Variants in SPOCK1 observed in about 807,000 individuals in gnomAD.
The protein encoded by SPOCK1 is testican-1.
Under a neutral mutation model 55.3 loss-of-function variants are expected in SPOCK1, and 23 were observed. The observed-to-expected ratio is 0.42, with a 90% CI of 0.30 to 0.59. The LOEUF is 0.59. Ranked by LOEUF, SPOCK1 falls within the 20% of genes least tolerant of loss-of-function variation. The pLI is 0.22. For synonymous variants in SPOCK1, 226 were observed against 221.0 expected (o/e 1.02, Z -0.20); for missense variants, 499 against 552.5 (o/e 0.90, Z 0.97).
At chr5:137,186,296 G>A (rs1232068668) in intron 3 of SPOCK1, among the ~76,000 whole-genome samples, 1 of 152,206 alleles carries the variant, frequency 6.6e-6, no homozygotes, top group African/African-American at 2.4e-5. Context: ...ATGCTAAGTT[G>A]AGCAGAACAC....
chr5:137,131,008 C>T (rs184208669), intron 4 of SPOCK1, among the ~76,000 whole-genome samples: 1 of 152,182 alleles, frequency 6.6e-6, no homozygotes, highest in Admixed American at 6.5e-5. Flanking sequence ...CTAAAGATAG[C>T]CTTGAACGTC....
chr5:137,141,725 A>G (rs770926696), intron 3 of SPOCK1, among the ~76,000 whole-genome samples: 14 of 152,208 alleles, frequency 9.2e-5, no homozygotes, highest in Non-Finnish European at 1.3e-4. Flanking sequence ...AGAAAATGCA[A>G]TCCAGTCAGA....
rs1327620237 is a variant in SPOCK1 at position 137,074,351 on chromosome 5, C to T, written c.475-6522G>A. Reference sequence around the variant, plus strand: ...ATGGAATGTTCTTACAGGCATAATACCTACTAAGGTTAAGGTGGTTATATA... The same window carrying T: ...ATGGAATGTTCTTACAGGCATAATATCTACTAAGGTTAAGGTGGTTATATA... On this transcript the variant is annotated intron_variant, in intron 5 of 10. Coordinates refer to ENST00000394945, the MANE Select transcript of SPOCK1 (RefSeq NM_004598.4). Among the ~76,000 whole-genome samples the T allele has an allele frequency of 2.0e-5, 3 of 152,194 alleles. No homozygotes were observed. The East Asian group carries it at 5.8e-4, about 29-fold the overall frequency.
intron 5 of SPOCK1, among the ~76,000 whole-genome samples, chr5:137,100,033 T>C (rs1753232007): frequency 1.3e-5 from 2 of 152,144 alleles, no homozygotes; most frequent in African/African-American, 4.8e-5. Context: ...AGGAGTTCGG[T>C]ATCAGAGAGT....
At chr5:137,071,584 CTT>C (rs1201111894) in intron 5 of SPOCK1, among the ~76,000 whole-genome samples, 1 of 152,154 alleles carries the variant, frequency 6.6e-6, no homozygotes, top group Non-Finnish European at 1.5e-5. Context: ...GTATCAAAGA[CTT>C]TATGATAAAA....
intron 3 of SPOCK1, among the ~76,000 whole-genome samples, chr5:137,161,475 T>C (rs1021260833): frequency 2.6e-5 from 4 of 152,118 alleles, no homozygotes; most frequent in African/African-American, 7.2e-5. Context: ...TTGGGTTTCT[T>C]TGGGCTCCAA....
At chr5:137,397,645 G>A (rs1751882013) in intron 2 of SPOCK1, among the ~76,000 whole-genome samples, 1 of 152,180 alleles carries the variant, frequency 6.6e-6, no homozygotes. Context: ...GGTTGAGCAT[G>A]GGAGCTCTGA....
intron 9 of SPOCK1, among the ~76,000 whole-genome samples, chr5:136,983,010 G>C (rs143393136): frequency 1.3e-5 from 2 of 152,126 alleles, no homozygotes; most frequent in African/African-American, 4.8e-5. Context: ...TTTTAGTTTT[G>C]GTTTTCCTTA....
At chr5:136,982,957 AC>A (rs1363719256) in intron 9 of SPOCK1, among the ~76,000 whole-genome samples, 1 of 152,210 alleles carries the variant, frequency 6.6e-6, no homozygotes, top group Non-Finnish European at 1.5e-5. Flanking sequence ...CTTTGAAGAT[AC>A]TGATTCTCAT....
At chr5:137,495,779 T>C (rs1017150669) in intron 2 of SPOCK1, among the ~76,000 whole-genome samples, 1 of 152,216 alleles carries the variant, frequency 6.6e-6, no homozygotes, top group Non-Finnish European at 1.5e-5. Flanking sequence ...TTGTGATTAT[T>C]CCAGGGACTT....
intron 2 of SPOCK1, among the ~76,000 whole-genome samples, chr5:137,390,627 C>T (rs939504497): frequency 1.3e-5 from 2 of 152,202 alleles, no homozygotes; most frequent in African/African-American, 4.8e-5. Context: ...CCAGAGAAAT[C>T]TCCACCTTCA....
chr5:137,478,573 T>G (rs1413211097), intron 2 of SPOCK1, among the ~76,000 whole-genome samples: 1 of 152,174 alleles, frequency 6.6e-6, no homozygotes, highest in East Asian at 1.9e-4. Flanking sequence ...CCCCAGCCCC[T>G]AGTACATTTG....
intron 5 of SPOCK1, among the ~76,000 whole-genome samples, chr5:137,112,174 A>G (rs189649395): frequency 1.3e-5 from 2 of 152,266 alleles, no homozygotes; most frequent in East Asian, 1.9e-4. Flanking sequence ...GCTTGTCTAG[A>G]TTAACTTCAG....
chr5:137,004,708 C>G (rs1432234556), intron 6 of SPOCK1, among the ~76,000 whole-genome samples: 6 of 152,158 alleles, frequency 3.9e-5, no homozygotes, highest in African/African-American at 1.4e-4. Flanking sequence ...GAAAAAAAAC[C>G]TAAATTTTAT....
chr5:136,980,157 T>C (rs987199433), intron 9 of SPOCK1, among the ~76,000 whole-genome samples: 6 of 147,642 alleles, frequency 4.1e-5, no homozygotes, highest in African/African-American at 1.5e-4. Context: ...AAGGTGTTGC[T>C]ATTACTATCT....
intron 2 of SPOCK1, among the ~76,000 whole-genome samples, chr5:137,475,274 C>G (rs777715182): frequency 1.3e-5 from 2 of 152,106 alleles, no homozygotes; most frequent in Non-Finnish European, 2.9e-5. Context: ...TGAAAAATAA[C>G]AATATCCAGA....
At chr5:137,234,659 A>C (rs958225284) in intron 3 of SPOCK1, among the ~76,000 whole-genome samples, 7 of 152,154 alleles carry the variant, frequency 4.6e-5, no homozygotes, top group Non-Finnish European at 1.0e-4. Context: ...GCTGGTCCCT[A>C]CAGGAAACAG....
chr5:137,033,015 C>T (rs1012047262), intron 6 of SPOCK1, among the ~76,000 whole-genome samples: 9 of 152,170 alleles, frequency 5.9e-5, no homozygotes, highest in East Asian at 1.9e-4. Flanking sequence ...GAAGTGGGCC[C>T]GCTAAATGGC....
At chr5:137,292,488 C>G (rs1580850323) in intron 2 of SPOCK1, among the ~76,000 whole-genome samples, 1 of 125,512 alleles carries the variant, frequency 8.0e-6, no homozygotes, top group Non-Finnish European at 1.6e-5. Flanking sequence ...GGAGCCAGAC[C>G]AAAATGCTGG....
Sources: gnomAD v4.1 joint callset for allele counts (sites outside exome capture counted in the v4.1 genomes callset) on GRCh38, gnomAD v4.1.1 for gene constraint, MANE v1.5 for transcripts, NCBI Gene and HGNC (gene_info 2026-07-23, HGNC 2026-07-21) for gene names.